The following OXR1 variants were observed in gnomAD, a reference collection of about 807,000 sequenced individuals.
The protein encoded by OXR1 is oxidation resistance 1.
A neutral mutation model predicts 104.6 loss-of-function variants in OXR1; 41 were observed. The ratio of observed to expected loss-of-function variants is 0.39; its 90% CI spans 0.31 to 0.51. OXR1 has a LOEUF of 0.51. OXR1 is among the 20% of genes least tolerant of loss of function. OXR1 has a pLI of 0.77. For missense variants in OXR1, 955 were observed against 1,031.9 expected, an observed-to-expected ratio of 0.93 and a Z score of 1.02; for synonymous variants, 348 against 348.4, an observed-to-expected ratio of 1.00 and a Z score of 0.01.
At position 106,354,289 on chromosome 8, in the gene OXR1, C is replaced by G. The variant is rs151125968; in HGVS notation, c.-138-5187C>G. On this transcript the variant is annotated intron_variant, in intron 1 of 16. Coordinates refer to ENST00000517566, the MANE Select transcript of OXR1 (RefSeq NM_001198533.2). ...AAAAAGGAATCCACCTTGTAAAACT[C>G]AAAAGAGTCTAATATTTCTTTGATA... is the stretch of plus-strand genomic sequence containing the variant. 6.8e-3 allele frequency among the ~76,000 whole-genome samples: 1,040 copies of G among 152,250 alleles called. 5 individuals carry two copies. Among genetic ancestry groups the G allele is most frequent in the African/African-American group, 0.022 (932 of 41,560 alleles).
chr8:106,305,087 A>T (rs1813416672), intron 1 of OXR1, among the ~76,000 whole-genome samples: 1 of 152,118 alleles, frequency 6.6e-6, no homozygotes, highest in Non-Finnish European at 1.5e-5. Flanking sequence ...TTGCTTTCCA[A>T]ATTAGAAGAA....
At chr8:106,466,425 A>C (rs1371830636) in intron 2 of OXR1, among the ~76,000 whole-genome samples, 2 of 151,902 alleles carry the variant, frequency 1.3e-5, no homozygotes, top group Admixed American at 1.3e-4. Flanking sequence ...AATAGTTTAC[A>C]TTAAACTAGT....
At chr8:106,553,702 G>A (rs1364678376) in intron 3 of OXR1, among the ~76,000 whole-genome samples, 3 of 152,238 alleles carry the variant, frequency 2.0e-5, no homozygotes, top group African/African-American at 7.2e-5. Context: ...AGAGCAAAAT[G>A]TGTATAATCT....
intron 11 of OXR1, among the ~76,000 whole-genome samples, chr8:106,717,598 G>A (rs1234903477): frequency 1.3e-5 from 2 of 152,152 alleles, no homozygotes; most frequent in East Asian, 3.9e-4. Context: ...TAAACTTATT[G>A]TTTGCTTTTT....
At chr8:106,686,430 AT>A (rs200470661) in intron 6 of OXR1, among the ~76,000 whole-genome samples, 1 of 151,610 alleles carries the variant, frequency 6.6e-6, no homozygotes, top group Non-Finnish European at 1.5e-5. Context: ...TTTTAGTTGT[AT>A]TTTTTTTACC....
intron 11 of OXR1, among the ~76,000 whole-genome samples, chr8:106,730,348 A>C (rs993793084): frequency 6.6e-6 from 1 of 152,084 alleles, no homozygotes. Flanking sequence ...ATCACATGCT[A>C]TAATTTTTCT....
chr8:106,601,304 G>C (rs1277913296), intron 3 of OXR1, among the ~76,000 whole-genome samples: 2 of 149,102 alleles, frequency 1.3e-5, no homozygotes, highest in African/African-American at 2.4e-5. Flanking sequence ...GTCTTTATCT[G>C]TTCCGGCTGC....
chr8:106,618,033 G>A, intron 3 of OXR1: 1 of 1,521,052 alleles, frequency 6.6e-7, no homozygotes, highest in South Asian at 1.2e-5. Context: ...GGACCGGGCG[G>A]GAGGAGAAGG....
At chr8:106,455,307 T>C (rs1450460997) in intron 2 of OXR1, among the ~76,000 whole-genome samples, 1 of 152,232 alleles carries the variant, frequency 6.6e-6, no homozygotes, top group Non-Finnish European at 1.5e-5. Context: ...TCATCAGGAT[T>C]GAACAATCTA....
intron 12 of OXR1, among the ~76,000 whole-genome samples, chr8:106,738,985 T>C (rs1317990129): frequency 6.6e-6 from 1 of 152,046 alleles, no homozygotes; most frequent in African/African-American, 2.4e-5. Context: ...TCTACTATTC[T>C]TTACATTAAA....
At chr8:106,388,249 A>G (rs376158491) in intron 2 of OXR1, among the ~76,000 whole-genome samples, 1 of 152,148 alleles carries the variant, frequency 6.6e-6, no homozygotes, top group African/African-American at 2.4e-5. Flanking sequence ...TTATTTGAAG[A>G]CCTAGTTGTA....
chr8:106,673,543 T>A (rs1289819258), intron 3 of OXR1, among the ~76,000 whole-genome samples: 1 of 152,176 alleles, frequency 6.6e-6, no homozygotes, highest in Non-Finnish European at 1.5e-5. Context: ...AACCTGTTTC[T>A]GAGGAGAAAT....
intron 2 of OXR1, among the ~76,000 whole-genome samples, chr8:106,390,906 C>A (rs1428386923): frequency 6.6e-6 from 1 of 152,114 alleles, no homozygotes; most frequent in Non-Finnish European, 1.5e-5. Flanking sequence ...GGAAGCCCCC[C>A]TCCCCCAGAT....
intron 3 of OXR1, among the ~76,000 whole-genome samples, chr8:106,562,288 T>G (rs1816740001): frequency 1.3e-5 from 2 of 151,992 alleles, no homozygotes; most frequent in South Asian, 2.1e-4. Context: ...AATGACCTGA[T>G]AGAGCTGAAA....
intron 1 of OXR1, among the ~76,000 whole-genome samples, chr8:106,353,944 A>T (rs867176010): frequency 2.3e-4 from 35 of 152,092 alleles, no homozygotes; most frequent in African/African-American, 8.4e-4. Context: ...TTCTGCTTCT[A>T]TGAGTTCTGC....
intron 2 of OXR1, among the ~76,000 whole-genome samples, chr8:106,457,537 CTG>C (rs1233952892): frequency 1.3e-5 from 2 of 152,158 alleles, no homozygotes; most frequent in African/African-American, 4.8e-5. Context: ...ACCTTTGGAA[CTG>C]TGTGACAAAT....
Position 106,288,526 on chromosome 8 carries a change from AT to A in OXR1, c.-139+18160del, listed in dbSNP as rs907832712. ...CCTAAATATGTGTGTGTATATATAT[AT>A]GTATGTGTGTGTGTGTATATATATA... is the stretch of plus-strand genomic sequence containing the variant. On this transcript the variant is annotated intron_variant, in intron 1 of 16. Coordinates refer to ENST00000517566, the MANE Select transcript of OXR1 (RefSeq NM_001198533.2). 1.2e-4 allele frequency among the ~76,000 whole-genome samples: 11 copies of A among 94,100 alleles called. No individual in the cohort carries two copies. The South Asian group carries it at 1.7e-3, about 15-fold the overall frequency. The allele number at this position is 94,100 out of a possible 152,430, so 61.7% of individuals were successfully genotyped here.
chr8:106,560,307 A>G (rs2130484201), intron 3 of OXR1, among the ~76,000 whole-genome samples: 1 of 152,312 alleles, frequency 6.6e-6, no homozygotes, highest in Non-Finnish European at 1.5e-5. Flanking sequence ...CAAGATATCC[A>G]CTGGTTACAG....
intron 3 of OXR1, among the ~76,000 whole-genome samples, chr8:106,626,280 C>T (rs1460993733): frequency 6.6e-6 from 1 of 151,380 alleles, no homozygotes; most frequent in Non-Finnish European, 1.5e-5. Context: ...AACTAAAAAG[C>T]CGTTTCACCC....
Sources: gnomAD v4.1 joint callset for allele counts (sites outside exome capture counted in the v4.1 genomes callset) on GRCh38, gnomAD v4.1.1 for gene constraint, MANE v1.5 for transcripts, NCBI Gene and HGNC (gene_info 2026-07-23, HGNC 2026-07-21) for gene names.